LMBR1: variants seen among roughly 807,000 people sequenced by gnomAD.
LMBR1 encodes limb development membrane protein 1.
Under a neutral mutation model 73.9 loss-of-function variants are expected in LMBR1, and 52 were observed. The ratio of observed to expected loss-of-function variants is 0.70; its 90% CI spans 0.56 to 0.89. LMBR1 has a LOEUF of 0.89. Ranked by LOEUF, LMBR1 falls within the 40% of genes least tolerant of loss-of-function variation. The pLI, the probability that LMBR1 is intolerant of heterozygous loss-of-function variation, is 0.00. For missense variants in LMBR1, 539 were observed against 579.8 expected, an observed-to-expected ratio of 0.93 and a Z score of 0.72; for synonymous variants, 215 against 209.4, an observed-to-expected ratio of 1.03 and a Z score of -0.23.
At chr7:156,713,682 T>G (rs1245244477) in intron 15 of LMBR1, among the ~76,000 whole-genome samples, 2 of 152,176 alleles carry the variant, frequency 1.3e-5, no homozygotes, top group Admixed American at 1.3e-4. Flanking sequence ...TTCACTATCT[T>G]GATGGCAGTG....
intron 9 of LMBR1, chr7:156,736,451 C>G (rs187561590): frequency 6.7e-6 from 3 of 447,000 alleles, no homozygotes; most frequent in Non-Finnish European, 1.4e-5. Context: ...TTATCTTTAT[C>G]AAGATGAAGC....
intron 1 of LMBR1, among the ~76,000 whole-genome samples, chr7:156,867,538 T>C (rs1369016414): frequency 6.6e-6 from 1 of 152,126 alleles, no homozygotes; most frequent in Non-Finnish European, 1.5e-5. Flanking sequence ...ATAAACAATA[T>C]GTGACATATC....
chr7:156,673,484 C>T (rs556639986), downstream of LMBR1, among the ~76,000 whole-genome samples: 22 of 152,170 alleles, frequency 1.4e-4, 1 homozygote, highest in South Asian at 4.6e-3. Flanking sequence ...CGATTCAAGA[C>T]CCTAAATTAA....
chr7:156,722,159 G>T (rs948622745), intron 15 of LMBR1, among the ~76,000 whole-genome samples: 2 of 152,018 alleles, frequency 1.3e-5, no homozygotes, highest in Non-Finnish European at 2.9e-5. Flanking sequence ...TCATTCCATT[G>T]TAAGTGATGG....
chr7:156,832,289 A>G (rs1836829915), intron 3 of LMBR1, among the ~76,000 whole-genome samples: 1 of 152,232 alleles, frequency 6.6e-6, no homozygotes, highest in Non-Finnish European at 1.5e-5. Context: ...GTCATTTATT[A>G]GCTGGGAGTT....
rs1376393442 is a variant in LMBR1, at chr7:156,801,230, T to C, written c.320-4738A>G. On this transcript the variant is annotated intron_variant, in intron 4 of 16. Coordinates refer to ENST00000353442, the MANE Select transcript of LMBR1 (RefSeq NM_022458.4). ...TATGGCAAACTACACTGTTGTCTTA[T>C]TTTAAGAAATTGCCACGGTCACGCA... 7.9e-5 allele frequency among the ~76,000 whole-genome samples: 12 copies of C among 152,288 alleles called. No homozygotes were observed. The South Asian group carries it at 1.9e-3, about 24-fold the overall frequency.
intron 1 of LMBR1, among the ~76,000 whole-genome samples, chr7:156,873,386 G>A (rs924402368): frequency 8.5e-5 from 13 of 152,266 alleles, no homozygotes; most frequent in East Asian, 1.9e-4. Context: ...TAAAAGCAGC[G>A]TGGACCCAAA....
At chr7:156,847,169 G>GCT (rs1340914692) in intron 1 of LMBR1, among the ~76,000 whole-genome samples, 5 of 152,098 alleles carry the variant, frequency 3.3e-5, no homozygotes, top group Admixed American at 3.3e-4. Flanking sequence ...AAGAGCAAAG[G>GCT]CTATATAATG....
chr7:156,800,734 T>C (rs1031069792), intron 4 of LMBR1, among the ~76,000 whole-genome samples: 5 of 152,182 alleles, frequency 3.3e-5, no homozygotes, highest in Non-Finnish European at 7.3e-5. Flanking sequence ...ACTGAAAACC[T>C]TCTGGAAAGG....
At chr7:156,779,745 TAAAAACC>T (rs1826791406) in intron 5 of LMBR1, 1 of 1,250,278 alleles carries the variant, frequency 8.0e-7, no homozygotes, top group Non-Finnish European at 1.0e-6. Context: ...GTAAGGGATG[TAAAAACC>T]ACTTCATACA....
intron 1 of LMBR1, among the ~76,000 whole-genome samples, chr7:156,882,460 G>T (rs1482528297): frequency 6.6e-6 from 1 of 152,092 alleles, no homozygotes; most frequent in East Asian, 1.9e-4. Context: ...TCTGCAAAAT[G>T]CAACAACATA....
chr7:156,806,598 C>G (rs1481395413), intron 4 of LMBR1, among the ~76,000 whole-genome samples: 1 of 44,672 alleles, frequency 2.2e-5, no homozygotes, highest in Non-Finnish European at 4.0e-5. Context: ...TTTGTAGATG[C>G]TTTTTTTTTT....
intron 15 of LMBR1, among the ~76,000 whole-genome samples, chr7:156,719,583 C>T (rs1366067576): frequency 2.0e-5 from 3 of 152,118 alleles, no homozygotes; most frequent in Non-Finnish European, 4.4e-5. Flanking sequence ...TGACTTTCTT[C>T]ATAGAATTGG....
chr7:156,804,330 A>G (rs1326874202), intron 4 of LMBR1, among the ~76,000 whole-genome samples: 1 of 151,792 alleles, frequency 6.6e-6, no homozygotes, highest in Non-Finnish European at 1.5e-5. Context: ...ATTTGTGGCT[A>G]TTAAAAATAA....
Position 156,680,810 on chromosome 7 carries a change from A to G in LMBR1, c.*3268T>C, listed in dbSNP as rs10277429. The stretch of plus-strand genomic sequence containing the variant: ...AATACCCTTAAGTTTTAGCCATGAT[A>G]ATATTTAAGATGGAAAAAACAAAAG... On this transcript the variant is annotated 3_prime_UTR_variant, in exon 17 of 17. Transcript: ENST00000353442. The G allele has an allele frequency of 0.96, 187,252 of 194,170 alleles. 90,350 individuals carry two copies. The highest frequency in any genetic ancestry group is 1 in the East Asian group (5,514 of 5,516). The allele number at this position is 194,170 out of a possible 1,614,324, so 12.0% of individuals were successfully genotyped here.
rs1016510905 is a variant in LMBR1, at chr7:156,669,584, G to T, written n.867-297C>A. ...AGGACCCAGACCCCTGTGAGGCCCT[G>T]AGCTGGGCGCTGAGCAGATAGGTCA... On this transcript the variant is annotated intron_variant and non_coding_transcript_variant, in intron 4 of 4. Transcript: ENST00000430825. This position sits in a 1 kb window ranked among gnomAD's most constrained non-coding sequence, Gnocchi z 4.2. 3.3e-5 allele frequency among the ~76,000 whole-genome samples: 5 copies of T among 152,170 alleles called. No individual in the cohort carries two copies. Among genetic ancestry groups the T allele is most frequent in the Non-Finnish European group, 5.9e-5 (4 of 68,018 alleles).
At chr7:156,877,268 A>G (rs1213402520) in intron 1 of LMBR1, among the ~76,000 whole-genome samples, 39 of 152,006 alleles carry the variant, frequency 2.6e-4, no homozygotes. Flanking sequence ...AATTTTAAAA[A>G]TTACCAAAAA....
chr7:156,826,113 G>A (rs1482604328), intron 4 of LMBR1, among the ~76,000 whole-genome samples: 1 of 152,176 alleles, frequency 6.6e-6, no homozygotes, highest in Non-Finnish European at 1.5e-5. Flanking sequence ...CCAAGTAGCT[G>A]GGATTATAAG....
intron 4 of LMBR1, among the ~76,000 whole-genome samples, chr7:156,815,619 G>C (rs1329889429): frequency 1.3e-5 from 2 of 152,136 alleles, no homozygotes; most frequent in African/African-American, 4.8e-5. Context: ...AAATAATAAA[G>C]CTAAACTGAG....
Sources: gnomAD v4.1 joint callset for allele counts (sites outside exome capture counted in the v4.1 genomes callset) on GRCh38, gnomAD v4.1.1 for gene constraint, Gnocchi (gnomAD v3.1) non-coding constraint, MANE v1.5 for transcripts, NCBI Gene and HGNC (gene_info 2026-07-23, HGNC 2026-07-21) for gene names.